Variants in ENPP1 observed in about 807,000 individuals in gnomAD.
ENPP1 encodes the protein ectonucleotide pyrophosphatase/phosphodiesterase 1, also known as ectonucleotide pyrophosphatase/phosphodiesterase family member 1.
In ENPP1, 73 loss-of-function variants were observed where a neutral mutation model predicts 122.8. The observed-to-expected ratio is 0.59, with a 90% confidence interval of 0.49 to 0.72. The LOEUF (loss-of-function observed/expected upper bound fraction) is 0.72. Ranked by LOEUF, ENPP1 falls within the 30% of genes least tolerant of loss-of-function variation. ENPP1 has a pLI of 0.00. For synonymous variants in ENPP1, 367 were observed against 391.6 expected (o/e 0.94, Z 0.74); for missense variants, 978 against 1,128.1 (o/e 0.87, Z 1.91).
intron 1 of ENPP1, chr6:131,827,936 C>T (rs117080755): frequency 0.016 from 16,049 of 1,025,102 alleles, 194 homozygotes; most frequent in Non-Finnish European, 0.02. Flanking sequence ...CGTGGAGAAT[C>T]GAAGCACTTA....
rs1165195863 is a variant in ENPP1 at position 131,858,700 on chromosome 6, C to G, written c.748C>G (p.Pro250Ala). The change falls in exon 7 of 25, where the codon CCG becomes GCG. Residue 250 changes from proline (P) to alanine (A), a missense_variant. Physicochemically the swap from Pro to Ala is conservative, Grantham distance 27 (BLOSUM62 -1). Coordinates refer to ENST00000647893, the MANE Select transcript of ENPP1 (RefSeq NM_006208.3). ...TGGAACATATACTAAAAACATGAGA[C>G]CGGTATATCCAACAAAAACTTTCCC... ...KCGTYTKNMR[P>A]VYPTKTFPNH... 6.2e-7 allele frequency: 1 copy of G among 1,611,128 alleles called. No individual in the cohort carries two copies. The highest frequency in any genetic ancestry group is 8.5e-7 in the Non-Finnish European group (1 of 1,177,476).
Position 131,892,134 on chromosome 6 carries a change from T to C in ENPP1, c.*1623T>C, listed in dbSNP as rs984770388. ...ATTCCAACATCTGTCACCTCATTGT[T>C]TGCATCTACTGATGGTCTTTTTTCC... On this transcript the variant is annotated 3_prime_UTR_variant, in exon 25 of 25. Transcript: ENST00000647893. The C allele has an allele frequency of 6.6e-6, 1 of 152,222 alleles. No homozygotes were observed. The highest frequency in any genetic ancestry group is 2.4e-5 in the African/African-American group (1 of 41,456). 9.4% of individuals were successfully genotyped at this position (152,222 alleles called of 1,614,324 possible). A position where few individuals can be genotyped will look rare whatever the true frequency, so the allele number is the denominator to read the frequency against.
chr6:131,854,585 A>G lies in ENPP1; in HGVS notation c.618-341A>G, dbSNP rs145659950. On this transcript the variant is annotated intron_variant, in intron 5 of 24. Transcript: ENST00000647893. ...ATTGTTTATTTTCCTGCAAATTGGG[A>G]AAACAATATTATATTTTAGTAGCAA... 3.4e-3 allele frequency among the ~76,000 whole-genome samples: 511 copies of G among 152,290 alleles called. 22 individuals carry two copies. The East Asian group carries it at 0.088, about 26-fold the overall frequency.
At chr6:131,882,954 T>C (rs1232185181) in intron 21 of ENPP1, among the ~76,000 whole-genome samples, 1 of 152,130 alleles carries the variant, frequency 6.6e-6, no homozygotes, top group Non-Finnish European at 1.5e-5. Context: ...AACTTTGTTG[T>C]TTAAAAAGAA....
chr6:131,880,488 C>T (rs1317836710), intron 20 of ENPP1, among the ~76,000 whole-genome samples: 7 of 150,678 alleles, frequency 4.6e-5, no homozygotes, highest in South Asian at 2.1e-4. Flanking sequence ...GGTGTGAACC[C>T]GGGAGGTGGT....
chr6:131,851,700 G>T (rs1781883928), intron 4 of ENPP1, among the ~76,000 whole-genome samples: 1 of 152,122 alleles, frequency 6.6e-6, no homozygotes. Context: ...ATGTGAAATT[G>T]TTTAGAAAGA....
At chr6:131,843,171 C>T (rs897753596) in intron 1 of ENPP1, among the ~76,000 whole-genome samples, 43 of 152,176 alleles carry the variant, frequency 2.8e-4, no homozygotes, top group Non-Finnish European at 1.9e-4. Context: ...TTAGGTTTCA[C>T]AGCTCTGAAA....
At chr6:131,885,449 G>T (rs1322182877) in intron 23 of ENPP1, among the ~76,000 whole-genome samples, 2 of 152,110 alleles carry the variant, frequency 1.3e-5, no homozygotes, top group Non-Finnish European at 2.9e-5. Context: ...AATGAATAGG[G>T]TTATAAAGCT....
Position 131,826,808 on chromosome 6 carries a change from A to G in ENPP1, c.240+18533A>G, listed in dbSNP as rs1235546343. ...AGTCCTGAAAGCCGTCTAACTGCAC[A>G]GTACTGAACTGTTGAGGGAGAACAC... is the stretch of plus-strand genomic sequence containing the variant. On this transcript the variant is annotated intron_variant, in intron 1 of 24. Coordinates refer to ENST00000647893, the MANE Select transcript of ENPP1 (RefSeq NM_006208.3). The G allele has an allele frequency of 7.7e-6, 3 of 390,920 alleles. No homozygotes were observed. In the Admixed American group the frequency reaches 1.1e-4, roughly 14 times the overall value. The allele number at this position is 390,920 out of a possible 1,614,324, so 24.2% of individuals were successfully genotyped here.
chr6:131,826,700 C>A (rs1781550145), intron 1 of ENPP1: 1 of 607,464 alleles, frequency 1.6e-6, no homozygotes, highest in Non-Finnish European at 2.8e-6. Context: ...AGGGACAATT[C>A]TTCAGTGAAG....
chr6:131,829,115 A>C (rs148566373), intron 1 of ENPP1, among the ~76,000 whole-genome samples: 1 of 152,354 alleles, frequency 6.6e-6, no homozygotes, highest in East Asian at 1.9e-4. Context: ...AGGAAAAACT[A>C]TGTTTTTTGG....
intron 1 of ENPP1, among the ~76,000 whole-genome samples, chr6:131,838,655 A>G (rs924601086): frequency 2.4e-4 from 36 of 151,878 alleles, no homozygotes; most frequent in African/African-American, 8.2e-4. Context: ...AATAAGAGTA[A>G]GACCAGAAAT....
chr6:131,816,352 C>T (rs1781413627), intron 1 of ENPP1, among the ~76,000 whole-genome samples: 1 of 152,074 alleles, frequency 6.6e-6, no homozygotes, highest in African/African-American at 2.4e-5. Flanking sequence ...AGCATGCCTC[C>T]ATCAACCATA....
rs966421867 is a variant in ENPP1, at chr6:131,889,455, G to A, written c.2608-886G>A. Among the ~76,000 whole-genome samples, 21 of 151,196 alleles carry A rather than the reference G, an allele frequency of 1.4e-4. 1 individual carries two copies. Among genetic ancestry groups the A allele is most frequent in the South Asian group, 4.2e-4 (2 of 4,780 alleles). On this transcript the variant is annotated intron_variant, in intron 24 of 24. Transcript: ENST00000647893. ...CGTGTTTATGTGTTCTCATCCTTCA[G>A]CTCCCTCTTATAATTGAGAACATGA...
intron 1 of ENPP1, among the ~76,000 whole-genome samples, chr6:131,820,828 A>G (rs184505873): frequency 9.7e-4 from 148 of 152,296 alleles, no homozygotes; most frequent in Admixed American, 4.6e-3. Flanking sequence ...GTCAGACAAA[A>G]TCAGGTTTAA....
intron 1 of ENPP1, chr6:131,826,496 G>C (rs755797911): frequency 1.5e-4 from 164 of 1,076,578 alleles, no homozygotes; most frequent in Non-Finnish European, 2.2e-4. Flanking sequence ...GAAAGATTCT[G>C]AAGATGCTGA....
chr6:131,871,819 A>G (rs1490326142), intron 13 of ENPP1, among the ~76,000 whole-genome samples: 1 of 152,116 alleles, frequency 6.6e-6, no homozygotes, highest in East Asian at 1.9e-4. Flanking sequence ...AGATGGATGG[A>G]TAGGTAGATG....
intron 21 of ENPP1, 73 bp downstream of exon 21, chr6:131,882,547 C>T: frequency 1.1e-6 from 1 of 929,610 alleles, no homozygotes; most frequent in Non-Finnish European, 1.7e-6. Context: ...TCCTACCATA[C>T]ATTATAGGGT....
intron 24 of ENPP1, among the ~76,000 whole-genome samples, chr6:131,889,628 A>C (rs1367856031): frequency 6.6e-6 from 1 of 152,170 alleles, no homozygotes; most frequent in East Asian, 1.9e-4. Context: ...TCTATCATTG[A>C]CCATATACAC....
Sources: allele counts gnomAD v4.1 joint callset (sites outside exome capture counted in the v4.1 genomes callset), GRCh38; gene constraint gnomAD v4.1.1; transcripts MANE v1.5; gene names NCBI Gene and HGNC (gene_info 2026-07-23, HGNC 2026-07-21).